HSD17B12: variants seen among roughly 807,000 people sequenced by gnomAD.
HSD17B12 encodes the protein hydroxysteroid 17-beta dehydrogenase 12, also known as very-long-chain 3-oxoacyl-CoA reductase.
Under a neutral mutation model 39.3 loss-of-function variants are expected in HSD17B12, and 32 were observed. The observed-to-expected ratio is 0.81, with a 90% CI of 0.61 to 1.09. HSD17B12 has a LOEUF of 1.09. HSD17B12 is among the 50% of genes least tolerant of loss of function. The pLI is 0.00. For missense variants in HSD17B12, 342 were observed against 382.9 expected (o/e 0.89, Z 0.89); for synonymous variants, 150 against 146.7 (o/e 1.02, Z -0.16).
chr11:43,750,866 C>T, intron 1 of HSD17B12, 45 bp from the exon 2 acceptor site: 1 of 1,421,344 alleles, frequency 7.0e-7, no homozygotes. Flanking sequence ...ACCAATTCCT[C>T]AATGTAATTC....
At chr11:43,792,391 A>G (rs1950875847) in intron 3 of HSD17B12, among the ~76,000 whole-genome samples, 1 of 152,166 alleles carries the variant, frequency 6.6e-6, no homozygotes. Flanking sequence ...TTATGAATTT[A>G]TTTTTAAGAT....
chr11:43,607,563 C>A, the HSD17B12 span, among the ~76,000 whole-genome samples: 1 of 152,170 alleles, frequency 6.6e-6, no homozygotes, highest in Non-Finnish European at 1.5e-5. Flanking sequence ...CAAATAATAA[C>A]TTACTTGATC....
chr11:43,751,541 G>C (rs1327667113), intron 2 of HSD17B12, among the ~76,000 whole-genome samples: 1 of 152,176 alleles, frequency 6.6e-6, no homozygotes, highest in Non-Finnish European at 1.5e-5. Flanking sequence ...CTATGATGAA[G>C]TGATCTGGAA....
At chr11:43,848,048 G>A (rs745718541) in intron 9 of HSD17B12, among the ~76,000 whole-genome samples, 26 of 152,226 alleles carry the variant, frequency 1.7e-4, no homozygotes, top group Non-Finnish European at 3.2e-4. Context: ...AACGGCTACC[G>A]GGATTACAAA....
At chr11:43,692,889 A>G (rs1468109120) in intron 1 of HSD17B12, among the ~76,000 whole-genome samples, 1 of 152,206 alleles carries the variant, frequency 6.6e-6, no homozygotes, top group African/African-American at 2.4e-5. Flanking sequence ...TTAACCATAG[A>G]GCATTGAGTA....
At chr11:43,759,319 T>C (rs895013135) in intron 3 of HSD17B12, among the ~76,000 whole-genome samples, 1 of 152,060 alleles carries the variant, frequency 6.6e-6, no homozygotes, top group Non-Finnish European at 1.5e-5. Context: ...TTAAGAAAAA[T>C]TTTGAATGGA....
chr11:43,707,284 C>T (rs1177144129), intron 1 of HSD17B12, among the ~76,000 whole-genome samples: 3 of 152,032 alleles, frequency 2.0e-5, no homozygotes, highest in South Asian at 2.1e-4. Flanking sequence ...GGTGGTGAAA[C>T]GTACTAAGAA....
chr11:43,619,014 A>T, the HSD17B12 span, among the ~76,000 whole-genome samples: 1 of 151,452 alleles, frequency 6.6e-6, no homozygotes, highest in Non-Finnish European at 1.5e-5. Context: ...AGGAGCAAAG[A>T]TGTGCAGAAG....
At chr11:43,755,766 A>G (rs956158690) in intron 3 of HSD17B12, among the ~76,000 whole-genome samples, 1 of 152,248 alleles carries the variant, frequency 6.6e-6, no homozygotes, top group Non-Finnish European at 1.5e-5. Context: ...TTTCCAGACC[A>G]TAGCTGGTCC....
At chr11:43,804,884 A>T (rs1053581951) in intron 4 of HSD17B12, among the ~76,000 whole-genome samples, 1 of 152,224 alleles carries the variant, frequency 6.6e-6, no homozygotes, top group Non-Finnish European at 1.5e-5. Flanking sequence ...ATTATTAGCT[A>T]CTTGGGGAAA....
the HSD17B12 span, among the ~76,000 whole-genome samples, chr11:43,557,715 C>T: frequency 6.6e-6 from 1 of 152,062 alleles, no homozygotes; most frequent in Admixed American, 6.5e-5. Flanking sequence ...AAGTTTGCAG[C>T]AGGAAAGACA....
At chr11:43,718,910 T>C in intron 1 of HSD17B12, 2 of 1,006,604 alleles carry the variant, frequency 2.0e-6, no homozygotes, top group South Asian at 1.3e-5. Context: ...TGTCATCAAG[T>C]TTCCATTGAC....
intron 1 of HSD17B12, among the ~76,000 whole-genome samples, chr11:43,720,198 C>G (rs889271535): frequency 5.3e-5 from 8 of 152,182 alleles, no homozygotes; most frequent in African/African-American, 9.6e-5. Context: ...TTTGGGCCCT[C>G]TTTACTTCCT....
intron 4 of HSD17B12, among the ~76,000 whole-genome samples, chr11:43,810,884 A>T (rs1471677163): frequency 6.6e-6 from 1 of 152,208 alleles, no homozygotes; most frequent in Non-Finnish European, 1.5e-5. Context: ...AAAACTCACT[A>T]ATAAACATGT....
chr11:43,613,167 G>A, the HSD17B12 span, among the ~76,000 whole-genome samples: 1 of 152,136 alleles, frequency 6.6e-6, no homozygotes, highest in Non-Finnish European at 1.5e-5. Flanking sequence ...ACTTTGGGAG[G>A]CCAAGGCGGG....
At chr11:43,810,099 C>T (rs1951055928) in intron 4 of HSD17B12, among the ~76,000 whole-genome samples, 3 of 151,898 alleles carry the variant, frequency 2.0e-5, no homozygotes, top group Non-Finnish European at 2.9e-5. Flanking sequence ...AGGGGGTTAC[C>T]CGTATCTGTT....
the HSD17B12 span, among the ~76,000 whole-genome samples, chr11:43,568,918 G>A: frequency 2.0e-5 from 3 of 152,160 alleles, no homozygotes; most frequent in African/African-American, 7.2e-5. Context: ...TGGGAATTGG[G>A]AATGACATAA....
chr11:43,595,356 T>C, the HSD17B12 span, among the ~76,000 whole-genome samples: 156 of 152,378 alleles, frequency 1.0e-3, 2 homozygotes, highest in African/African-American at 3.7e-3. Flanking sequence ...CAGATAGTTT[T>C]GAAAACAATA....
chr11:43,618,160 G>T, the HSD17B12 span, among the ~76,000 whole-genome samples: 1 of 152,132 alleles, frequency 6.6e-6, no homozygotes, highest in South Asian at 2.1e-4. Context: ...TTTGGAAGGA[G>T]TCTCCTGTTG....
Sources: gnomAD v4.1 joint callset for allele counts (sites outside exome capture counted in the v4.1 genomes callset) on GRCh38, gnomAD v4.1.1 for gene constraint, MANE v1.5 for transcripts, NCBI Gene and HGNC (gene_info 2026-07-23, HGNC 2026-07-21) for gene names.